Variants in SHISA9 observed in about 807,000 individuals in gnomAD.
SHISA9 encodes the protein protein shisa-9.
SHISA9 carries 13 observed loss-of-function variants against 38.0 expected under a neutral mutation model. That is an observed-to-expected ratio of 0.34 (90% CI 0.22 to 0.54). SHISA9 has a LOEUF of 0.54. SHISA9 is among the 20% of genes least tolerant of loss of function. The pLI is 0.91. For missense variants in SHISA9, 538 were observed against 575.8 expected (o/e 0.93, Z 0.67); for synonymous variants, 275 against 242.0 (o/e 1.14, Z -1.27).
At chr16:13,476,824 C>A in the SHISA9 span, among the ~76,000 whole-genome samples, 5 of 145,000 alleles carry the variant, frequency 3.4e-5, no homozygotes, top group African/African-American at 1.3e-4. Flanking sequence ...TCTCGGCTCA[C>A]TGCAAGCTCC....
At chr16:13,148,060 G>C (rs944930179) in intron 2 of SHISA9, among the ~76,000 whole-genome samples, 24 of 152,084 alleles carry the variant, frequency 1.6e-4, no homozygotes, top group Admixed American at 1.0e-3. Flanking sequence ...TTGGGGAGGG[G>C]TGCTCAGGAC....
intron 2 of SHISA9, among the ~76,000 whole-genome samples, chr16:13,013,813 C>T (rs1161496787): frequency 1.3e-5 from 2 of 152,120 alleles, no homozygotes; most frequent in African/African-American, 4.8e-5. Flanking sequence ...CTGCAAGCTC[C>T]GCGTCCCGGG....
the SHISA9 span, among the ~76,000 whole-genome samples, chr16:13,440,554 AAC>A: frequency 6.6e-6 from 1 of 152,218 alleles, no homozygotes; most frequent in Non-Finnish European, 1.5e-5. Flanking sequence ...TTATTCTGTT[AAC>A]AGAGTCTCTT....
intron 2 of SHISA9, among the ~76,000 whole-genome samples, chr16:13,200,616 G>A (rs1281020864): frequency 1.2e-5 from 1 of 80,422 alleles, no homozygotes; most frequent in African/African-American, 5.6e-5. Flanking sequence ...GGGCTCCAAG[G>A]TGTGGTGAAA....
At chr16:13,538,945 T>G in the SHISA9 span, among the ~76,000 whole-genome samples, 1 of 152,190 alleles carries the variant, frequency 6.6e-6, no homozygotes, top group Non-Finnish European at 1.5e-5. Context: ...AGGATGTAGA[T>G]TCATGTTGAG....
intron 3 of SHISA9, among the ~76,000 whole-genome samples, chr16:13,212,411 A>G (rs2051129753): frequency 6.6e-6 from 1 of 152,202 alleles, no homozygotes; most frequent in African/African-American, 2.4e-5. Context: ...AATTCTCAGT[A>G]TCCTTCATTT....
chr16:13,004,297 T>A (rs1192501453), intron 2 of SHISA9, among the ~76,000 whole-genome samples: 5 of 152,202 alleles, frequency 3.3e-5, no homozygotes, highest in Non-Finnish European at 1.5e-5. Flanking sequence ...AGTGAGTCTG[T>A]GGCAGTGGAG....
the SHISA9 span, among the ~76,000 whole-genome samples, chr16:13,314,547 T>C: frequency 1.3e-5 from 2 of 152,106 alleles, no homozygotes; most frequent in Non-Finnish European, 2.9e-5. Context: ...GCCTATTTCA[T>C]TTTATTTTTA....
chr16:13,414,913 G>A, the SHISA9 span, among the ~76,000 whole-genome samples: 8 of 152,264 alleles, frequency 5.3e-5, no homozygotes, highest in Admixed American at 4.6e-4. Flanking sequence ...GATTACAGGC[G>A]TGAGCCACTG....
rs564103106 is a variant in SHISA9 at position 13,052,654 on chromosome 16, G to A, written c.691+135839G>A. On this transcript the variant is annotated intron_variant, in intron 2 of 4. Coordinates refer to ENST00000558583, the MANE Select transcript of SHISA9 (RefSeq NM_001145204.3). Reference sequence around the variant, plus strand: ...AACCAAGAAATCCATATGGCTCCAAGTTGCTGGGGAGTTGTTTCTATTTTC... The same window carrying A: ...AACCAAGAAATCCATATGGCTCCAAATTGCTGGGGAGTTGTTTCTATTTTC... Among the ~76,000 whole-genome samples, 3 of 152,316 alleles carry A rather than the reference G, an allele frequency of 2.0e-5. 1 individual carries two copies. The South Asian group carries it at 6.2e-4, about 32-fold the overall frequency.
the SHISA9 span, among the ~76,000 whole-genome samples, chr16:13,546,237 C>T: frequency 6.6e-6 from 1 of 152,182 alleles, no homozygotes; most frequent in East Asian, 1.9e-4. Context: ...CCATCTCTTA[C>T]CCAGAAAAGA....
chr16:13,092,308 G>T (rs777329155), intron 2 of SHISA9, among the ~76,000 whole-genome samples: 5 of 152,230 alleles, frequency 3.3e-5, no homozygotes, highest in Non-Finnish European at 7.3e-5. Flanking sequence ...CAGTCTGTCT[G>T]TTCTCAGAGC....
the SHISA9 span, among the ~76,000 whole-genome samples, chr16:13,541,393 T>C: frequency 2.0e-5 from 3 of 152,168 alleles, no homozygotes; most frequent in Non-Finnish European, 4.4e-5. Context: ...AATCCATATA[T>C]AGCCCCACAA....
intron 2 of SHISA9, among the ~76,000 whole-genome samples, chr16:12,970,079 T>A (rs1321433846): frequency 6.6e-6 from 1 of 151,584 alleles, no homozygotes; most frequent in African/African-American, 2.4e-5. Context: ...ATAAATGGGC[T>A]TTATTATGTT....
chr16:12,995,254 G>GT (rs955622145), intron 2 of SHISA9, among the ~76,000 whole-genome samples: 18 of 152,058 alleles, frequency 1.2e-4, no homozygotes, highest in African/African-American at 4.1e-4. Context: ...CTTTTAATTA[G>GT]TTTTAAAAGT....
chr16:13,055,028 C>T (rs1404935746), intron 2 of SHISA9, among the ~76,000 whole-genome samples: 5 of 152,128 alleles, frequency 3.3e-5, no homozygotes, highest in African/African-American at 1.2e-4. Flanking sequence ...CACAAGCTGC[C>T]CCAAGTTTAT....
At position 12,902,246 on chromosome 16, in the gene SHISA9, C is replaced by T. The variant is rs1322315005; in HGVS notation, c.182C>T (p.Ser61Leu). 1 of 1,544,214 alleles carries T rather than the reference C, an allele frequency of 6.5e-7. No homozygotes were observed. Among genetic ancestry groups the T allele is most frequent in the Admixed American group, 2.0e-5 (1 of 50,950 alleles). Residue 61 changes from serine to leucine, a missense_variant, in exon 1 of 5, where the codon TCG (serine) becomes TTG (leucine). Physicochemically the swap from Ser to Leu is moderately radical, Grantham distance 145 (BLOSUM62 -2). This residue lies in a region of SHISA9 where 107 missense variants were observed against 103.0 expected (regional missense o/e 1.04). Transcript: ENST00000558583. ...SGEASEGAEA[S>L]DAPPTRAPTP... Reference sequence around the variant, plus strand: ...GAGGCCAGCGAGGGCGCTGAGGCATCGGACGCGCCCCCGACCCGGGCGCCC... The same window carrying T: ...GAGGCCAGCGAGGGCGCTGAGGCATTGGACGCGCCCCCGACCCGGGCGCCC...
At chr16:13,065,671 G>A (rs971123973) in intron 2 of SHISA9, among the ~76,000 whole-genome samples, 5 of 152,204 alleles carry the variant, frequency 3.3e-5, no homozygotes, top group African/African-American at 1.2e-4. Context: ...TTTCCCACGT[G>A]GTGGCTCTTC....
intron 4 of SHISA9, among the ~76,000 whole-genome samples, chr16:13,224,289 C>T (rs1476568037): frequency 2.0e-5 from 3 of 152,192 alleles, no homozygotes; most frequent in African/African-American, 7.2e-5. Context: ...CTCCCTTCCC[C>T]CGAGCTAGGT....
Sources: allele counts gnomAD v4.1 joint callset (sites outside exome capture counted in the v4.1 genomes callset), GRCh38; gene constraint gnomAD v4.1.1; regional missense constraint gnomAD v4.1.1; transcripts MANE v1.5; gene names NCBI Gene and HGNC (gene_info 2026-07-23, HGNC 2026-07-21).